The following TENM3 variants were observed in gnomAD, a reference collection of about 807,000 sequenced individuals.
TENM3 encodes the protein teneurin transmembrane protein 3, also known as teneurin-3.
TENM3 carries 63 observed loss-of-function variants against 255.1 expected under a neutral mutation model. The ratio of observed to expected loss-of-function variants is 0.25; its 90% confidence interval spans 0.20 to 0.30. The LOEUF is 0.30. Ranked by LOEUF, TENM3 falls within the 10% of genes least tolerant of loss-of-function variation. TENM3 has a pLI of 1.00. For synonymous variants in TENM3, 1,306 were observed against 1,322.3 expected (o/e 0.99, Z 0.27); for missense variants, 2,929 against 3,461.1 (o/e 0.85, Z 3.86).
At chr4:182,513,871 C>T (rs1184455760) in intron 3 of TENM3, among the ~76,000 whole-genome samples, 1 of 152,228 alleles carries the variant, frequency 6.6e-6, no homozygotes, top group East Asian at 1.9e-4. Flanking sequence ...TATCCACCTG[C>T]CCTGATCACC....
chr4:182,509,673 C>G (rs181807550), intron 3 of TENM3, among the ~76,000 whole-genome samples: 1 of 152,232 alleles, frequency 6.6e-6, no homozygotes, highest in Non-Finnish European at 1.5e-5. Flanking sequence ...CGCAGTGGCT[C>G]ACACCTGTAA....
chr4:181,967,671 G>C, the TENM3 span, among the ~76,000 whole-genome samples: 2 of 151,986 alleles, frequency 1.3e-5, no homozygotes, highest in Admixed American at 1.3e-4. Flanking sequence ...GAGTAAGAGG[G>C]CCATTTTCAA....
chr4:181,857,663 TGG>T, the TENM3 span, among the ~76,000 whole-genome samples: 1 of 146,346 alleles, frequency 6.8e-6, no homozygotes. Flanking sequence ...GAGGGTGAGG[TGG>T]GAAAACCCCT....
intron 1 of TENM3, among the ~76,000 whole-genome samples, chr4:182,246,818 T>C (rs923951000): frequency 6.6e-6 from 1 of 152,224 alleles, no homozygotes; most frequent in African/African-American, 2.4e-5. Flanking sequence ...GAACTCACTT[T>C]CTAGGGAGGA....
At chr4:182,496,398 A>G (rs1735776880) in intron 3 of TENM3, among the ~76,000 whole-genome samples, 1 of 152,160 alleles carries the variant, frequency 6.6e-6, no homozygotes, top group Non-Finnish European at 1.5e-5. Flanking sequence ...AGGAAAAAAA[A>G]AATGCCTTTA....
the TENM3 span, among the ~76,000 whole-genome samples, chr4:181,532,634 T>A: frequency 6.6e-6 from 1 of 152,202 alleles, no homozygotes; most frequent in South Asian, 2.1e-4. Context: ...TCTTTCTGAG[T>A]GTGCCCCTAT....
At chr4:182,439,640 C>T (rs1012273944) in intron 3 of TENM3, among the ~76,000 whole-genome samples, 1 of 152,114 alleles carries the variant, frequency 6.6e-6, no homozygotes, top group Non-Finnish European at 1.5e-5. Context: ...TCTCTATTTC[C>T]CCACCATCCA....
intron 3 of TENM3, among the ~76,000 whole-genome samples, chr4:182,543,127 A>T (rs1287938535): frequency 6.6e-6 from 1 of 152,110 alleles, no homozygotes; most frequent in African/African-American, 2.4e-5. Flanking sequence ...TAATGACTCG[A>T]TGGATGCATG....
the TENM3 span, among the ~76,000 whole-genome samples, chr4:181,889,895 GA>G: frequency 6.6e-6 from 1 of 152,066 alleles, no homozygotes; most frequent in South Asian, 2.1e-4. Flanking sequence ...CCAAAAATCT[GA>G]ATTCCACTAG....
At chr4:181,507,035 T>C in the TENM3 span, among the ~76,000 whole-genome samples, 7 of 152,194 alleles carry the variant, frequency 4.6e-5, no homozygotes, top group African/African-American at 7.2e-5. Context: ...GGCTAAAATG[T>C]ATTTTTCCAG....
chr4:182,030,900 GTTGT>G, the TENM3 span, among the ~76,000 whole-genome samples: 1 of 152,126 alleles, frequency 6.6e-6, no homozygotes, highest in African/African-American at 2.4e-5. Context: ...TTTTAATGGG[GTTGT>G]TTGGTTTTTC....
chr4:182,038,248 C>T, the TENM3 span, among the ~76,000 whole-genome samples: 3 of 152,220 alleles, frequency 2.0e-5, no homozygotes, highest in East Asian at 5.8e-4. Flanking sequence ...TCTTACCAAG[C>T]AAGATTCTGT....
At chr4:182,649,072 T>C (rs1440395949) in intron 5 of TENM3, among the ~76,000 whole-genome samples, 1 of 152,190 alleles carries the variant, frequency 6.6e-6, no homozygotes, top group Non-Finnish European at 1.5e-5. Flanking sequence ...ACTATGTGGA[T>C]ACATATTTCT....
intron 3 of TENM3, among the ~76,000 whole-genome samples, chr4:182,519,397 C>T (rs1738328961): frequency 1.3e-5 from 2 of 152,128 alleles, no homozygotes; most frequent in Admixed American, 6.6e-5. Context: ...AAACTCACAT[C>T]CCACTACTCA....
chr4:182,359,033 A>G (rs7669887), intron 3 of TENM3, among the ~76,000 whole-genome samples: 140,713 of 150,528 alleles, frequency 0.93, 66,029 homozygotes, highest in Non-Finnish European at 0.98. Flanking sequence ...ATTGATTTGC[A>G]TATATTGAAC....
the TENM3 span, among the ~76,000 whole-genome samples, chr4:182,100,600 C>CATATATATACACACAT: frequency 9.0e-5 from 2 of 22,146 alleles, no homozygotes; most frequent in African/African-American, 3.9e-4. Flanking sequence ...CATATATACA[C>CATATATATACACACAT]ATATATACAC....
chr4:182,309,419 A>G, intron 1 of TENM3, among the ~76,000 whole-genome samples: 1 of 152,056 alleles, frequency 6.6e-6, no homozygotes, highest in East Asian at 1.9e-4. Context: ...TTATTCTCCA[A>G]ATACTTGGGG....
chr4:182,432,502 A>G (rs1057242682), intron 3 of TENM3, among the ~76,000 whole-genome samples: 17 of 152,244 alleles, frequency 1.1e-4, no homozygotes, highest in African/African-American at 4.1e-4. Context: ...CAATATGTAC[A>G]ATGTAATAAC....
the TENM3 span, among the ~76,000 whole-genome samples, chr4:182,067,281 G>A: frequency 6.6e-6 from 1 of 152,232 alleles, no homozygotes; most frequent in African/African-American, 2.4e-5. Context: ...CTATGGCAGG[G>A]ACACATCTCA....
Sources: gnomAD v4.1 joint callset for allele counts (sites outside exome capture counted in the v4.1 genomes callset) on GRCh38, gnomAD v4.1.1 for gene constraint, MANE v1.5 for transcripts, NCBI Gene and HGNC (gene_info 2026-07-23, HGNC 2026-07-21) for gene names.